Variants in PKP4 observed in about 807,000 individuals in gnomAD.
PKP4 encodes the protein plakophilin 4, also known as plakophilin-4.
In PKP4, 90 loss-of-function variants were observed where a neutral mutation model predicts 145.1. That is an observed-to-expected ratio of 0.62 (90% CI 0.52 to 0.74). The LOEUF is 0.74. Ranked by LOEUF, PKP4 falls within the 30% of genes least tolerant of loss-of-function variation. The pLI is 0.00. For synonymous variants in PKP4, 563 were observed against 577.2 expected (o/e 0.98, Z 0.35); for missense variants, 1,340 against 1,482.7 (o/e 0.90, Z 1.58).
chr2:158,531,287 C>A lies in PKP4; in HGVS notation c.-5-1893C>A, dbSNP rs192184684. ...ATCTTTGTTCACTGAATTTTTCCTT[C>A]TTTTTCTTCTTACACATTGGTTGTT... On this transcript the variant is annotated intron_variant, in intron 1 of 21. Transcript: ENST00000389759. Among the ~76,000 whole-genome samples the A allele has an allele frequency of 2.0e-5, 3 of 152,220 alleles. No individual in the cohort carries two copies. The East Asian group carries it at 5.8e-4, about 29-fold the overall frequency.
At chr2:158,650,994 A>G (rs992234458) in intron 11 of PKP4, among the ~76,000 whole-genome samples, 4 of 152,212 alleles carry the variant, frequency 2.6e-5, no homozygotes, top group South Asian at 2.1e-4. Flanking sequence ...CTCTGCTCAG[A>G]TAGTGGCATC....
At chr2:158,644,581 A>G (rs1213522523) in intron 11 of PKP4, among the ~76,000 whole-genome samples, 3 of 25,338 alleles carry the variant, frequency 1.2e-4, no homozygotes, top group African/African-American at 2.9e-4. Flanking sequence ...TAGAATACAC[A>G]TAACAGATAC....
rs3142 is a variant in PKP4, at chr2:158,681,356, A to G, written c.*679A>G. The G allele has an allele frequency of 0.91, 138,999 of 152,660 alleles. 63,315 individuals carry two copies. The highest frequency in any genetic ancestry group is 0.97 in the East Asian group (5,044 of 5,178). The allele number at this position is 152,660 out of a possible 1,614,324, so 9.5% of individuals were successfully genotyped here. ...CAGCGCCATGCCCATTCCTCGCCTC[A>G]TTCATAGGACACTTCACTGCCATTT... On this transcript the variant is annotated 3_prime_UTR_variant, in exon 22 of 22. Coordinates refer to ENST00000389759, the MANE Select transcript of PKP4 (RefSeq NM_003628.6).
intron 4 of PKP4, among the ~76,000 whole-genome samples, chr2:158,608,877 C>A (rs890665616): frequency 3.7e-4 from 50 of 136,640 alleles, no homozygotes; most frequent in Non-Finnish European, 5.8e-4. Flanking sequence ...TCGGTGGCGC[C>A]ATTTTGGCTC....
intron 1 of PKP4, among the ~76,000 whole-genome samples, chr2:158,463,156 T>A (rs1455142479): frequency 6.6e-6 from 1 of 152,154 alleles, no homozygotes; most frequent in African/African-American, 2.4e-5. Context: ...AGGGCCTTTT[T>A]AAGTAGGGAA....
At chr2:158,663,117 C>A in intron 14 of PKP4, 29 bp downstream of exon 14, 1 of 1,561,164 alleles carries the variant, frequency 6.4e-7, no homozygotes, top group South Asian at 1.2e-5. Flanking sequence ...ATGAGACTCT[C>A]AAGTTTAATT....
chr2:158,473,644 G>A (rs1573977869), intron 1 of PKP4, among the ~76,000 whole-genome samples: 1 of 151,792 alleles, frequency 6.6e-6, no homozygotes, highest in African/African-American at 2.4e-5. Context: ...CAACCCTTGG[G>A]TCTACTTGAG....
chr2:158,546,487 TG>T (rs2045051700), intron 2 of PKP4, among the ~76,000 whole-genome samples: 1 of 152,198 alleles, frequency 6.6e-6, no homozygotes, highest in African/African-American at 2.4e-5. Context: ...TTTGGGAGTT[TG>T]GTTGTCCTTC....
intron 1 of PKP4, among the ~76,000 whole-genome samples, chr2:158,480,259 CAG>C (rs1693145072): frequency 6.6e-6 from 1 of 152,144 alleles, no homozygotes; most frequent in Non-Finnish European, 1.5e-5. Flanking sequence ...TTTATTGAGA[CAG>C]AGTCTTACCT....
chr2:158,664,253 C>T (rs528642498), intron 15 of PKP4, among the ~76,000 whole-genome samples: 1 of 152,280 alleles, frequency 6.6e-6, no homozygotes, highest in South Asian at 2.1e-4. Context: ...TTGGGCAGCA[C>T]TGTGGGGAGG....
intron 4 of PKP4, among the ~76,000 whole-genome samples, chr2:158,606,252 T>C (rs1209339787): frequency 1.3e-5 from 2 of 151,926 alleles, no homozygotes; most frequent in Non-Finnish European, 2.9e-5. Flanking sequence ...TACAGGAGAA[T>C]GGTGTGAACC....
intron 11 of PKP4, among the ~76,000 whole-genome samples, chr2:158,651,346 T>C (rs1370375096): frequency 6.6e-6 from 1 of 152,046 alleles, no homozygotes; most frequent in Non-Finnish European, 1.5e-5. Flanking sequence ...GGCTCCAAAT[T>C]CTCACTACAG....
chr2:158,543,300 T>A (rs2044684977), intron 2 of PKP4, among the ~76,000 whole-genome samples: 1 of 152,220 alleles, frequency 6.6e-6, no homozygotes, highest in Non-Finnish European at 1.5e-5. Flanking sequence ...TGGTTATCTT[T>A]GTATTTTTGT....
At chr2:158,584,499 A>G (rs2048628638) in intron 3 of PKP4, among the ~76,000 whole-genome samples, 1 of 152,182 alleles carries the variant, frequency 6.6e-6, no homozygotes, top group African/African-American at 2.4e-5. Flanking sequence ...GAGAAGTTAC[A>G]CTAGTGGTTC....
chr2:158,512,565 T>A (rs2041610710), intron 1 of PKP4, among the ~76,000 whole-genome samples: 2 of 152,244 alleles, frequency 1.3e-5, no homozygotes, highest in Admixed American at 1.3e-4. Flanking sequence ...ACTGTACACT[T>A]GTGAATCAAC....
chr2:158,566,794 A>G (rs1334163684), intron 2 of PKP4, among the ~76,000 whole-genome samples: 1 of 152,178 alleles, frequency 6.6e-6, no homozygotes, highest in East Asian at 1.9e-4. Context: ...TAAAACCTCA[A>G]CTACAAGACT....
chr2:158,519,022 CATTTCTTCTTGTAGT>C (rs1370724373), intron 1 of PKP4, among the ~76,000 whole-genome samples: 1 of 151,982 alleles, frequency 6.6e-6, no homozygotes, highest in Non-Finnish European at 1.5e-5. Context: ...TGGGAATTTT[CATTTCTTCTTGTAGT>C]ATTTCTTCTT....
chr2:158,635,582 G>A (rs1405977439), intron 9 of PKP4, among the ~76,000 whole-genome samples: 1 of 152,148 alleles, frequency 6.6e-6, no homozygotes, highest in Non-Finnish European at 1.5e-5. Context: ...GCAGTGAAAT[G>A]TGATGAGAAC....
chr2:158,517,984 A>T (rs1409215472), intron 1 of PKP4, among the ~76,000 whole-genome samples: 4 of 152,104 alleles, frequency 2.6e-5, no homozygotes, highest in East Asian at 1.9e-4. Flanking sequence ...TAAGTTTAAA[A>T]TTTTTTTCTG....
Sources: gnomAD v4.1 joint callset for allele counts (sites outside exome capture counted in the v4.1 genomes callset) on GRCh38, gnomAD v4.1.1 for gene constraint, MANE v1.5 for transcripts, NCBI Gene and HGNC (gene_info 2026-07-23, HGNC 2026-07-21) for gene names.